The following DOCK3 variants were observed in gnomAD, a reference collection of about 807,000 sequenced individuals.
DOCK3 encodes the protein dedicator of cytokinesis protein 3.
A neutral mutation model predicts 265.6 loss-of-function variants in DOCK3; 60 were observed. That is an observed-to-expected ratio of 0.23 (90% CI 0.18 to 0.28). The LOEUF (loss-of-function observed/expected upper bound fraction) is 0.28, where lower values mean the gene tolerates loss of function less well. Among genes scored for constraint, DOCK3 ranks in the 10% least tolerant of loss-of-function variants. DOCK3 has a pLI of 1.00. For missense variants in DOCK3, 1,981 were observed against 2,594.3 expected (o/e 0.76, Z 5.14); for synonymous variants, 881 against 938.0 (o/e 0.94, Z 1.11).
intron 32 of DOCK3, among the ~76,000 whole-genome samples, chr3:51,317,125 TGA>T (rs2109695173): frequency 6.6e-6 from 1 of 152,166 alleles, no homozygotes; most frequent in South Asian, 2.1e-4. Context: ...TATTTTGAGT[TGA>T]TTTCTGTATA....
intron 9 of DOCK3, among the ~76,000 whole-genome samples, chr3:51,097,380 C>A (rs2082900810): frequency 6.6e-6 from 1 of 152,234 alleles, no homozygotes; most frequent in South Asian, 2.1e-4. Context: ...CCAGTTCGAA[C>A]TTCCAGGTGG....
intron 5 of DOCK3, among the ~76,000 whole-genome samples, chr3:50,940,167 A>G (rs1003192235): frequency 1.3e-5 from 2 of 151,986 alleles, no homozygotes; most frequent in African/African-American, 4.8e-5. Flanking sequence ...TTGCTCAAGA[A>G]AAAATGAGGC....
At chr3:50,948,401 C>CTTTT (rs59584829) in intron 5 of DOCK3, among the ~76,000 whole-genome samples, 46 of 98,620 alleles carry the variant, frequency 4.7e-4, no homozygotes, top group East Asian at 7.1e-4. Context: ...AAGTTTTAAT[C>CTTTT]TTTTTTTTTT....
intron 2 of DOCK3, chr3:50,788,328 A>C (rs985701141): frequency 2.5e-5 from 7 of 281,660 alleles, no homozygotes; most frequent in Middle Eastern, 4.5e-4. Context: ...ACTGTAAAGA[A>C]AATAGCTTTA....
At chr3:50,870,319 A>C (rs545505705) in intron 3 of DOCK3, among the ~76,000 whole-genome samples, 2 of 152,232 alleles carry the variant, frequency 1.3e-5, no homozygotes, top group South Asian at 4.2e-4. Context: ...ATATACTTAA[A>C]ATTGTTATAT....
intron 40 of DOCK3, among the ~76,000 whole-genome samples, chr3:51,353,562 A>G (rs1205908043): frequency 6.6e-6 from 1 of 152,236 alleles, no homozygotes; most frequent in Non-Finnish European, 1.5e-5. Flanking sequence ...CAGTGAGCCC[A>G]GATTGCACCA....
At chr3:50,904,446 A>T (rs921375065) in intron 4 of DOCK3, among the ~76,000 whole-genome samples, 1 of 152,140 alleles carries the variant, frequency 6.6e-6, no homozygotes, top group African/African-American at 2.4e-5. Context: ...GTTTTTAATG[A>T]TCGCCATTCT....
chr3:51,033,861 G>A (rs1036041687), intron 5 of DOCK3, among the ~76,000 whole-genome samples: 5 of 151,934 alleles, frequency 3.3e-5, no homozygotes, highest in Non-Finnish European at 4.4e-5. Context: ...TTATTTCTTC[G>A]GGGCCCAAAA....
At chr3:50,712,055 TA>T (rs1208171506) in intron 1 of DOCK3, among the ~76,000 whole-genome samples, 6 of 152,054 alleles carry the variant, frequency 3.9e-5, no homozygotes, top group South Asian at 4.1e-4. Flanking sequence ...TTAAGTCTTT[TA>T]AAAAAAATCT....
chr3:51,036,481 A>G (rs922176766), intron 5 of DOCK3, among the ~76,000 whole-genome samples: 2 of 152,156 alleles, frequency 1.3e-5, no homozygotes, highest in African/African-American at 4.8e-5. Flanking sequence ...ACCTTTAGGT[A>G]GTTTATCTTA....
chr3:51,260,322 C>T lies in DOCK3; in HGVS notation c.2351C>T (p.Thr784Ile), dbSNP rs561449751. The T allele has an allele frequency of 6.2e-7, 1 of 1,613,376 alleles. No individual in the cohort carries two copies. The highest frequency in any genetic ancestry group is 1.3e-5 in the African/African-American group (1 of 75,024). The change falls in exon 23 of 53, where the codon ACT becomes ATT. Residue 784 changes from threonine (T) to isoleucine (I), a missense_variant. By Grantham distance (89) the Thr-to-Ile change is moderately conservative. Around this residue, in one of 4 missense-constraint regions of DOCK3, gnomAD observed 1,357 missense variants for 1,866.8 expected, o/e 0.73. Coordinates refer to ENST00000266037, the MANE Select transcript of DOCK3 (RefSeq NM_004947.5). ...DSRNSETLLF[T>I]QAALLNSFPT... ...CGAAACTCAGAAACACTCCTTTTTA[C>T]TCAGGTTCGCACACTGCAGGGAAGC...
chr3:50,691,142 G>A (rs528560132), intron 1 of DOCK3, among the ~76,000 whole-genome samples: 12 of 152,020 alleles, frequency 7.9e-5, no homozygotes, highest in Admixed American at 6.5e-4. Flanking sequence ...AAATTAGCCA[G>A]GTGTGGTGGC....
intron 5 of DOCK3, among the ~76,000 whole-genome samples, chr3:50,942,459 G>A (rs1171197384): frequency 1.3e-5 from 2 of 151,954 alleles, no homozygotes; most frequent in Non-Finnish European, 2.9e-5. Context: ...TTATGCATGA[G>A]ATTTTAATTA....
At chr3:51,264,626 G>C (rs936104345) in intron 23 of DOCK3, among the ~76,000 whole-genome samples, 5 of 151,980 alleles carry the variant, frequency 3.3e-5, no homozygotes, top group African/African-American at 1.2e-4. Flanking sequence ...AGGAGATCAA[G>C]ACCATCCTGG....
chr3:51,193,856 T>C (rs1036902979), intron 12 of DOCK3, among the ~76,000 whole-genome samples: 3 of 151,108 alleles, frequency 2.0e-5, no homozygotes, highest in African/African-American at 7.3e-5. Context: ...GTTTTGTTTA[T>C]CTTTTTGAAG....
intron 3 of DOCK3, among the ~76,000 whole-genome samples, chr3:50,846,965 T>C (rs975292687): frequency 1.3e-5 from 2 of 152,160 alleles, no homozygotes; most frequent in Non-Finnish European, 2.9e-5. Flanking sequence ...TGTGTGGATT[T>C]TGGGTTCTCA....
At chr3:50,741,544 G>A (rs2039028134) in intron 1 of DOCK3, among the ~76,000 whole-genome samples, 1 of 150,530 alleles carries the variant, frequency 6.6e-6, no homozygotes, top group Non-Finnish European at 1.5e-5. Context: ...TTGTTCTTGC[G>A]ATAGTTTACT....
intron 5 of DOCK3, among the ~76,000 whole-genome samples, chr3:51,010,104 T>G (rs535802536): frequency 7.3e-4 from 111 of 152,288 alleles, no homozygotes; most frequent in African/African-American, 2.6e-3. Flanking sequence ...GTTGATTTGG[T>G]GTGGAGAGTT....
chr3:50,733,957 A>G (rs1422093010), intron 1 of DOCK3, among the ~76,000 whole-genome samples: 1 of 152,172 alleles, frequency 6.6e-6, no homozygotes, highest in African/African-American at 2.4e-5. Context: ...ATAGGTGATA[A>G]CAACTCAACT....
Sources: allele counts gnomAD v4.1 joint callset (sites outside exome capture counted in the v4.1 genomes callset), GRCh38; gene constraint gnomAD v4.1.1; regional missense constraint gnomAD v4.1.1; transcripts MANE v1.5; gene names NCBI Gene and HGNC (gene_info 2026-07-23, HGNC 2026-07-21).